The following GGCX variants were observed in gnomAD, a reference collection of about 807,000 sequenced individuals.
The protein encoded by GGCX is vitamin K-dependent gamma-carboxylase.
GGCX carries 63 observed loss-of-function variants against 88.5 expected under a neutral mutation model. The ratio of observed to expected loss-of-function variants is 0.71; its 90% CI spans 0.58 to 0.88. The LOEUF (loss-of-function observed/expected upper bound fraction) is 0.88, where lower values mean the gene tolerates loss of function less well. Ranked by LOEUF, GGCX falls within the 40% of genes least tolerant of loss-of-function variation. GGCX has a pLI of 0.00. For synonymous variants in GGCX, 368 were observed against 365.8 expected (o/e 1.01, Z -0.07); for missense variants, 805 against 932.9 (o/e 0.86, Z 1.79).
intron 6 of GGCX, 29 bp downstream of exon 6, chr2:85,555,453 CAA>C: frequency 9.1e-7 from 1 of 1,097,740 alleles, no homozygotes; most frequent in Non-Finnish European, 1.4e-6. Context: ...ACCCATGCCT[CAA>C]AGAGGCCTCC....
In GGCX at chr2:85,560,823, A is replaced by C. The variant is rs1178701376; in HGVS notation, c.206T>G (p.Phe69Cys). The change falls in exon 2 of 15, where the codon TTT becomes TGT. Residue 69 changes from phenylalanine to cysteine, a missense_variant. Physicochemically the swap from Phe to Cys is radical, Grantham distance 205. Transcript: ENST00000233838. The stretch of plus-strand genomic sequence containing the variant: ...CCATAAACTGGACTCACCAAAAAGA[A>C]AACGAAAGACAGCTAAGCTTGCAGG... ...TDPASLAVFRFLFGFLMVLDI... is the reference protein window; with the variant it reads ...TDPASLAVFRCLFGFLMVLDI... 6.2e-7 allele frequency: 1 copy of C among 1,613,850 alleles called. No homozygotes were observed. Among genetic ancestry groups the C allele is most frequent in the East Asian group, 2.2e-5 (1 of 44,894 alleles).
intron 2 of GGCX, among the ~76,000 whole-genome samples, chr2:85,560,571 C>A (rs1692394708): frequency 6.6e-6 from 1 of 151,774 alleles, no homozygotes. Flanking sequence ...CCATTGCACT[C>A]CAGCTTGGGC....
In GGCX at chr2:85,551,493, C is replaced by G. The variant is rs982677546; in HGVS notation, c.1727G>C (p.Gly576Ala). Residue 576 changes from glycine to alanine, a missense_variant, in exon 12 of 15, where the codon GGA becomes GCA. Gly to Ala is a moderately conservative substitution (Grantham distance 60). This residue lies in a region of GGCX where 680 missense variants were observed against 763.7 expected (regional missense o/e 0.89). Coordinates refer to ENST00000233838, the MANE Select transcript of GGCX (RefSeq NM_000821.7). ...CCAGCAAAATACCTGCATTTTTTCTCCCTCTCGAAGAGTCTGGTTCTTCTG... is the reference window on the plus strand; with the variant it reads ...CCAGCAAAATACCTGCATTTTTTCTGCCTCTCGAAGAGTCTGGTTCTTCTG... ...AEQKNQTLRE[G>A]EKMQLPAGEY... 33 of 1,613,924 alleles carry G rather than the reference C, an allele frequency of 2.0e-5. No homozygotes were observed. The highest frequency in any genetic ancestry group is 2.7e-5 in the Non-Finnish European group (32 of 1,179,982).
chr2:85,558,576 A>G lies in GGCX; in HGVS notation c.403T>C (p.Tyr135His), dbSNP rs1482998478. 3 of 1,613,682 alleles carry G rather than the reference A, an allele frequency of 1.9e-6. No individual in the cohort carries two copies. The highest frequency in any genetic ancestry group is 2.5e-6 in the Non-Finnish European group (3 of 1,179,670). The change falls in exon 4 of 15, where the codon TAC (tyrosine) becomes CAC (histidine). Residue 135 changes from tyrosine (Y) to histidine (H), a missense_variant. This residue lies in a region of GGCX where 680 missense variants were observed against 763.7 expected (regional missense o/e 0.89). Coordinates refer to ENST00000233838, the MANE Select transcript of GGCX (RefSeq NM_000821.7). ...AGGAATAACACACAGCTTATCCGGT[A>G]GCACAGGCCCAGCATCATGCCCAGT... is the stretch of plus-strand genomic sequence containing the variant. ...GALGMMLGLC[Y>H]RISCVLFLLP... is the part of the protein sequence containing the mutation.
chr2:85,560,643 C>G (rs1393072155), intron 2 of GGCX, among the ~76,000 whole-genome samples, 172 bp downstream of exon 2: 1 of 151,720 alleles, frequency 6.6e-6, no homozygotes. Flanking sequence ...CAAGTAAATC[C>G]TAACTGTAGG....
chr2:85,555,464 C>A lies in GGCX; in HGVS notation c.725+20G>T, dbSNP rs78185751. On this transcript the variant is annotated intron_variant, in intron 6 of 14. Coordinates refer to ENST00000233838, the MANE Select transcript of GGCX (RefSeq NM_000821.7). ...CTGTACCCATGCCTCAAAGAGGCCT[C>A]CACCATGACTGCCACTCACTTGAAG... is the stretch of plus-strand genomic sequence containing the variant. The A allele has an allele frequency of 0.036, 43,355 of 1,219,080 alleles. 896 individuals carry two copies. The highest frequency in any genetic ancestry group is 0.056 in the Middle Eastern group (296 of 5,252). 75.5% of individuals were successfully genotyped at this position (1,219,080 alleles called of 1,614,324 possible).
In GGCX at chr2:85,549,673, C is replaced by T; in HGVS notation, c.*261G>A. ...ACGGCACCCAGCCCCCAAAAAGCCA[C>T]TTTAAACCTTATCCTAGGAGGACAG... is the stretch of plus-strand genomic sequence containing the variant. On this transcript the variant is annotated 3_prime_UTR_variant, in exon 15 of 15. Transcript: ENST00000233838. The T allele has an allele frequency of 2.2e-6, 1 of 460,922 alleles. No individual in the cohort carries two copies. The highest frequency in any genetic ancestry group is 2.1e-5 in the South Asian group (1 of 47,124). The allele number at this position is 460,922 out of a possible 1,614,324, so 28.6% of individuals were successfully genotyped here.
chr2:85,552,397 C>T lies in GGCX; in HGVS notation c.1439+19G>A. ...GAACTGTGCTTCATTTTTTCCCACTCTCTGCTCCCCTTGCCCACCTCTGCT... is the reference window on the plus strand; with the variant it reads ...GAACTGTGCTTCATTTTTTCCCACTTTCTGCTCCCCTTGCCCACCTCTGCT... On this transcript the variant is annotated intron_variant, in intron 10 of 14. Transcript: ENST00000233838. 6.2e-7 allele frequency: 1 copy of T among 1,611,270 alleles called. No homozygotes were observed. The highest frequency in any genetic ancestry group is 8.5e-7 in the Non-Finnish European group (1 of 1,177,404).
chr2:85,552,939 C>G lies in GGCX; in HGVS notation c.1287G>C (p.Gly429=). ...AAATTGTCAGCATCAGACATCTCAC[C>G]CCAGGGTTAAGGTAGCCCAGTTCGC... ...RTGELGYLNP[G]VFTQSRRWKD... is the part of the protein sequence containing the mutation. Residue 429 remains glycine, a splice_region_variant and synonymous_variant, in exon 9 of 15, where the codon GGG becomes GGC. Coordinates refer to ENST00000233838, the MANE Select transcript of GGCX (RefSeq NM_000821.7). The G allele has an allele frequency of 6.2e-7, 1 of 1,614,174 alleles. No individual in the cohort carries two copies. The highest frequency in any genetic ancestry group is 8.5e-7 in the Non-Finnish European group (1 of 1,180,012).
chr2:85,559,171 G>C, intron 2 of GGCX, 96 bp from the exon 3 acceptor site: 1 of 1,011,474 alleles, frequency 9.9e-7, no homozygotes, highest in Non-Finnish European at 1.5e-6. Flanking sequence ...TCCAGGGTCA[G>C]ACTTCTTTTC....
chr2:85,558,707 T>C (rs767359643), intron 3 of GGCX, 102 bp from the exon 4 acceptor site: 13 of 987,332 alleles, frequency 1.3e-5, no homozygotes, highest in Non-Finnish European at 2.1e-5. Flanking sequence ...AAGCATTGTA[T>C]AATCACATAA....
At chr2:85,561,284 C>T in intron 1 of GGCX, 102 bp downstream of exon 1, 1 of 655,320 alleles carries the variant, frequency 1.5e-6, no homozygotes, top group South Asian at 1.8e-5. Flanking sequence ...AGAGGACCCC[C>T]CCCCCGCCTC....
intron 2 of GGCX, among the ~76,000 whole-genome samples, chr2:85,559,880 A>G (rs1210909463): frequency 6.6e-6 from 1 of 152,156 alleles, no homozygotes; most frequent in Non-Finnish European, 1.5e-5. Flanking sequence ...AGGGTTTCTC[A>G]ACTTCAGGAC....
intron 5 of GGCX, 118 bp downstream of exon 5, chr2:85,556,064 G>A: frequency 2.7e-6 from 2 of 734,344 alleles, no homozygotes; most frequent in Non-Finnish European, 4.9e-6. Context: ...CCAGCAAAGG[G>A]TAAAAACTAA....
chr2:85,554,940 C>G (rs1170407919), intron 6 of GGCX: 1 of 166,652 alleles, frequency 6.0e-6, no homozygotes, highest in African/African-American at 2.4e-5. Flanking sequence ...GAATGCTTGG[C>G]TAACATCATA....
At position 85,561,461 on chromosome 2, in the gene GGCX, G is replaced by T. The variant is rs757817502; in HGVS notation, c.-33C>A. 1 of 1,532,934 alleles carries T rather than the reference G, an allele frequency of 6.5e-7. No homozygotes were observed. Among genetic ancestry groups the T allele is most frequent in the Admixed American group, 2.0e-5 (1 of 51,270 alleles). The allele number at this position is 1,532,934 out of a possible 1,614,324, so 95.0% of individuals were successfully genotyped here. ...CGGAGGAGGCAGGTGGGTCACAGCT[G>T]CCGCGTCTGAACGGAGGCCGCCAGG... On this transcript the variant is annotated 5_prime_UTR_variant, in exon 1 of 15. Coordinates refer to ENST00000233838, the MANE Select transcript of GGCX (RefSeq NM_000821.7).
At chr2:85,555,049 A>G (rs903553377) in intron 6 of GGCX, 1 of 168,980 alleles carries the variant, frequency 5.9e-6, no homozygotes, top group African/African-American at 2.4e-5. Context: ...CAAATCAGAA[A>G]GGTGACCCTT....
intron 6 of GGCX, 73 bp downstream of exon 6, chr2:85,555,411 C>T (rs1191613432): frequency 1.2e-6 from 1 of 810,884 alleles, no homozygotes; most frequent in Non-Finnish European, 2.2e-6. Flanking sequence ...GAACAGGTGC[C>T]ATTACTGAGA....
intron 9 of GGCX, 130 bp downstream of exon 9, chr2:85,552,809 A>G (rs1428678423): frequency 1.6e-5 from 17 of 1,047,810 alleles, no homozygotes; most frequent in East Asian, 4.7e-5. Context: ...AGATAGTTCA[A>G]TCTGGCTCTT....
Sources: allele counts gnomAD v4.1 joint callset (sites outside exome capture counted in the v4.1 genomes callset), GRCh38; gene constraint gnomAD v4.1.1; regional missense constraint gnomAD v4.1.1; transcripts MANE v1.5; gene names NCBI Gene and HGNC (gene_info 2026-07-23, HGNC 2026-07-21).